Variants in PAQR5 observed in about 807,000 individuals in gnomAD.
PAQR5 encodes the protein membrane progestin receptor gamma.
A neutral mutation model predicts 34.5 loss-of-function variants in PAQR5; 20 were observed. That is an observed-to-expected ratio of 0.58 (90% CI 0.41 to 0.84). The LOEUF is 0.84. Ranked by LOEUF, PAQR5 falls within the 40% of genes least tolerant of loss-of-function variation. PAQR5 has a pLI of 0.00. For synonymous variants in PAQR5, 131 were observed against 155.6 expected, an observed-to-expected ratio of 0.84 and a Z score of 1.18; for missense variants, 378 against 412.7, an observed-to-expected ratio of 0.92 and a Z score of 0.73.
chr15:69,308,326 G>A (rs911126446), intron 1 of PAQR5, among the ~76,000 whole-genome samples: 5 of 152,194 alleles, frequency 3.3e-5, no homozygotes, highest in African/African-American at 7.2e-5. Context: ...AATGGAATCT[G>A]GCCAATACCT....
Position 69,302,387 on chromosome 15 carries a change from T to C in PAQR5, c.-277+3331T>C, listed in dbSNP as rs2053625503. ...CATGCCCAGCCAGAAATGGGGACTT[T>C]CAAATTCCTCTCCCTCCCTCCCCAT... is the stretch of plus-strand genomic sequence containing the variant. On this transcript the variant is annotated intron_variant, in intron 1 of 8. Coordinates refer to ENST00000395407, the MANE Select transcript of PAQR5 (RefSeq NM_017705.4). Among the ~76,000 whole-genome samples, 5 of 151,932 alleles carry C rather than the reference T, an allele frequency of 3.3e-5. No homozygotes were observed. In the South Asian group the frequency reaches 1.0e-3, roughly 32 times the overall value.
Position 69,385,076 on chromosome 15 carries a change from A to C in PAQR5, c.385+194A>C, listed in dbSNP as rs185810380. ...TAAGCATGCTGCTAAATATTTAGCCACTGGCTCTGTGGGGACAACAGCCCC... is the reference window on the plus strand; with the variant it reads ...TAAGCATGCTGCTAAATATTTAGCCCCTGGCTCTGTGGGGACAACAGCCCC... On this transcript the variant is annotated intron_variant, in intron 5 of 8. Coordinates refer to ENST00000395407, the MANE Select transcript of PAQR5 (RefSeq NM_017705.4). The surrounding 1 kb of genome is among the most constrained non-coding windows in gnomAD (Gnocchi z 4.7). Among the ~76,000 whole-genome samples the C allele has an allele frequency of 1.3e-5, 2 of 152,330 alleles. No homozygotes were observed. The highest frequency in any genetic ancestry group is 1.3e-4 in the Admixed American group (2 of 15,308).
intron 1 of PAQR5, among the ~76,000 whole-genome samples, chr15:69,332,535 G>A (rs1210350944): frequency 1.3e-5 from 2 of 152,094 alleles, no homozygotes; most frequent in Non-Finnish European, 2.9e-5. Context: ...CTCCTTCTGG[G>A]GAGAGGAATA....
At chr15:69,363,797 G>A (rs1165001110) in intron 3 of PAQR5, among the ~76,000 whole-genome samples, 2 of 151,898 alleles carry the variant, frequency 1.3e-5, no homozygotes, top group East Asian at 1.9e-4. Flanking sequence ...CAAGTGATCC[G>A]CCTGCCTCAG....
chr15:69,328,357 AGG>A (rs958080450), intron 1 of PAQR5, among the ~76,000 whole-genome samples: 2 of 152,374 alleles, frequency 1.3e-5, no homozygotes, highest in African/African-American at 4.8e-5. Context: ...AACATGTTCA[AGG>A]GCACCAGTTA....
intron 1 of PAQR5, among the ~76,000 whole-genome samples, chr15:69,322,832 A>AGAAGAAGAGGAAGAGGAAGAAGAG: frequency 1.3e-5 from 1 of 78,424 alleles, no homozygotes; most frequent in East Asian, 4.0e-4. Flanking sequence ...AAGAAGAAGA[A>AGAAGAAGAGGAAGAGGAAGAAGAG]GAAGAGGAAG....
At chr15:69,394,981 A>T (rs2056375576) in intron 6 of PAQR5, among the ~76,000 whole-genome samples, 2 of 152,212 alleles carry the variant, frequency 1.3e-5, no homozygotes, top group South Asian at 4.1e-4. Context: ...TATCAGGCCG[A>T]GCGAAATGTT....
At chr15:69,310,500 A>G (rs1289533819) in intron 1 of PAQR5, among the ~76,000 whole-genome samples, 1 of 152,228 alleles carries the variant, frequency 6.6e-6, no homozygotes, top group Non-Finnish European at 1.5e-5. Context: ...AGTTAAATAT[A>G]TTATTACAGA....
At chr15:69,380,036 C>T in intron 4 of PAQR5, 26 bp downstream of exon 4, 1 of 1,612,356 alleles carries the variant, frequency 6.2e-7, no homozygotes, top group Non-Finnish European at 8.5e-7. Flanking sequence ...CTCGACCGGC[C>T]TGTCTCCTTC....
intron 8 of PAQR5, among the ~76,000 whole-genome samples, chr15:69,402,583 T>C (rs2056667750): frequency 1.3e-5 from 2 of 152,354 alleles, no homozygotes; most frequent in South Asian, 4.1e-4. Context: ...CCCAAAGTGC[T>C]GGGATTACAG....
rs527239974 is a variant in PAQR5, at chr15:69,403,601, C to A, written c.772C>A (p.His258Asn). 14 of 1,614,140 alleles carry A rather than the reference C, an allele frequency of 8.7e-6. No homozygotes were observed. In the South Asian group the frequency reaches 1.5e-4, roughly 18 times the overall value. ...CATAGGTCACAGTCACCAGCTGTTT[C>A]ACGTGTGTGTGATCCTGGCCACGCA... ...DYIGHSHQLF[H>N]VCVILATHMQ... The change falls in exon 9 of 9, where the codon CAC becomes AAC. Residue 258 changes from histidine to asparagine, a missense_variant. Coordinates refer to ENST00000395407, the MANE Select transcript of PAQR5 (RefSeq NM_017705.4).
At chr15:69,380,897 G>A (rs965627370) in intron 4 of PAQR5, among the ~76,000 whole-genome samples, 4 of 152,192 alleles carry the variant, frequency 2.6e-5, no homozygotes, top group African/African-American at 9.7e-5. Context: ...GAGAAGAGAT[G>A]AGGAGTGTGC....
At chr15:69,378,924 A>T (rs1293545074) in intron 3 of PAQR5, among the ~76,000 whole-genome samples, 1 of 152,156 alleles carries the variant, frequency 6.6e-6, no homozygotes, top group African/African-American at 2.4e-5. Flanking sequence ...ACAAACAATG[A>T]TCTGGCCCAA....
Position 69,404,735 on chromosome 15 carries a change from A to G in PAQR5, c.*913A>G, listed in dbSNP as rs1190667910. ...TGCAAAATTTAGTATCCATATGCAT[A>G]AGAAGTTAATCACCTTGCCAGTGGG... On this transcript the variant is annotated 3_prime_UTR_variant, in exon 9 of 9. Coordinates refer to ENST00000395407, the MANE Select transcript of PAQR5 (RefSeq NM_017705.4). 2.6e-6 allele frequency: 1 copy of G among 391,806 alleles called. No homozygotes were observed. Among genetic ancestry groups the G allele is most frequent in the African/African-American group, 2.1e-5 (1 of 48,498 alleles). 24.3% of individuals were successfully genotyped at this position (391,806 alleles called of 1,614,324 possible). A position where few individuals can be genotyped will look rare whatever the true frequency, so the allele number is the denominator to read the frequency against.
chr15:69,380,647 G>A (rs983469836), intron 4 of PAQR5, among the ~76,000 whole-genome samples: 9 of 152,282 alleles, frequency 5.9e-5, no homozygotes, highest in African/African-American at 1.9e-4. Context: ...AGAAAGGTGG[G>A]GGATGAAGGC....
At chr15:69,311,312 G>A (rs1272513690) in intron 1 of PAQR5, among the ~76,000 whole-genome samples, 1 of 152,128 alleles carries the variant, frequency 6.6e-6, no homozygotes, top group African/African-American at 2.4e-5. Flanking sequence ...GTGTTCACGA[G>A]ATGGCAGAAG....
chr15:69,379,562 G>C (rs1450619438), intron 3 of PAQR5: 2 of 985,326 alleles, frequency 2.0e-6, no homozygotes, highest in East Asian at 1.1e-4. Context: ...GTAGGCCCCA[G>C]GCAGAGGGGT....
In PAQR5 at chr15:69,337,517, C is replaced by T. The variant is rs2054538950; in HGVS notation, c.-116+16C>T. The T allele has an allele frequency of 6.6e-6, 1 of 152,162 alleles. No homozygotes were observed. Among genetic ancestry groups the T allele is most frequent in the Non-Finnish European group, 1.5e-5 (1 of 68,032 alleles). 9.4% of individuals were successfully genotyped at this position (152,162 alleles called of 1,614,324 possible). A position where few individuals can be genotyped will look rare whatever the true frequency, so the allele number is the denominator to read the frequency against. On this transcript the variant is annotated intron_variant, in intron 2 of 8. Transcript: ENST00000395407. Reference sequence around the variant, plus strand: ...CTGACCTGTGGTAAGTAAAGAACGTCACTTTCTAACAGGCCCAGGAACCCC... The same window carrying T: ...CTGACCTGTGGTAAGTAAAGAACGTTACTTTCTAACAGGCCCAGGAACCCC...
At chr15:69,397,669 C>G in intron 7 of PAQR5, 105 bp downstream of exon 7, 12 of 809,130 alleles carry the variant, frequency 1.5e-5, no homozygotes, top group Non-Finnish European at 2.4e-5. Flanking sequence ...AACCGCAGAA[C>G]AAAACAGGAG....
Sources: allele counts gnomAD v4.1 joint callset (sites outside exome capture counted in the v4.1 genomes callset), GRCh38; gene constraint gnomAD v4.1.1; non-coding constraint Gnocchi (gnomAD v3.1); transcripts MANE v1.5; gene names NCBI Gene and HGNC (gene_info 2026-07-23, HGNC 2026-07-21).